SLC12A6: variants seen among roughly 807,000 people sequenced by gnomAD.
The protein encoded by SLC12A6 is solute carrier family 12 member 6.
SLC12A6 carries 66 observed loss-of-function variants against 135.3 expected under a neutral mutation model. The observed-to-expected ratio is 0.49, with a 90% CI of 0.40 to 0.60. SLC12A6 has a LOEUF of 0.60. Ranked by LOEUF, SLC12A6 falls within the 20% of genes least tolerant of loss-of-function variation. The pLI is 0.00. For synonymous variants in SLC12A6, 513 were observed against 508.8 expected (o/e 1.01, Z -0.11); for missense variants, 1,058 against 1,452.3 (o/e 0.73, Z 4.41).
At chr15:34,301,215 G>A (rs1896235532) in intron 2 of SLC12A6, among the ~76,000 whole-genome samples, 1 of 151,686 alleles carries the variant, frequency 6.6e-6, no homozygotes, top group Non-Finnish European at 1.5e-5. Flanking sequence ...GTGAGGTCAG[G>A]GATTACAGGT....
Position 34,233,874 on chromosome 15 carries a change from G to C in SLC12A6, c.*7C>G. Reference sequence around the variant, plus strand: ...AAAACAGGTCAAGCACGGTCATTCAGAGTAGGTTATGAATAAATGGTGATC... The same window carrying C: ...AAAACAGGTCAAGCACGGTCATTCACAGTAGGTTATGAATAAATGGTGATC... On this transcript the variant is annotated 3_prime_UTR_variant, in exon 26 of 26. Transcript: ENST00000354181. The C allele has an allele frequency of 6.7e-7, 1 of 1,503,386 alleles. No homozygotes were observed. Among genetic ancestry groups the C allele is most frequent in the East Asian group, 2.3e-5 (1 of 44,376 alleles). The allele number at this position is 1,503,386 out of a possible 1,614,324, so 93.1% of individuals were successfully genotyped here. A position where few individuals can be genotyped will look rare whatever the true frequency, so the allele number is the denominator to read the frequency against.
At chr15:34,244,559 G>A (rs768634055) in intron 15 of SLC12A6, among the ~76,000 whole-genome samples, 1 of 152,082 alleles carries the variant, frequency 6.6e-6, no homozygotes, top group Non-Finnish European at 1.5e-5. Context: ...AAAAGTTCCA[G>A]GACCTTTGTG....
chr15:34,301,084 T>G (rs544927685), intron 2 of SLC12A6, among the ~76,000 whole-genome samples: 44 of 152,238 alleles, frequency 2.9e-4, no homozygotes, highest in African/African-American at 9.9e-4. Flanking sequence ...TTCTCCTGTC[T>G]CAGCCTCCTG....
At chr15:34,294,624 A>G (rs1895759202) in intron 2 of SLC12A6, among the ~76,000 whole-genome samples, 1 of 151,834 alleles carries the variant, frequency 6.6e-6, no homozygotes, top group African/African-American at 2.4e-5. Flanking sequence ...ATTGAGTTCA[A>G]TGACATAATC....
chr15:34,254,681 A>G, intron 8 of SLC12A6, 92 bp from the exon 9 acceptor site: 1 of 960,592 alleles, frequency 1.0e-6, no homozygotes, highest in Non-Finnish European at 1.6e-6. Flanking sequence ...CACAAAAGAA[A>G]GCAAAGCTGA....
intron 2 of SLC12A6, among the ~76,000 whole-genome samples, chr15:34,291,295 T>C (rs1357473441): frequency 3.3e-5 from 5 of 152,338 alleles, no homozygotes; most frequent in African/African-American, 4.8e-5. Flanking sequence ...TCTTTCAGAA[T>C]GTTGAATGTT....
At chr15:34,239,478 T>C (rs539618467) in intron 19 of SLC12A6, among the ~76,000 whole-genome samples, 1 of 152,340 alleles carries the variant, frequency 6.6e-6, no homozygotes, top group Non-Finnish European at 1.5e-5. Context: ...TATTCAACAT[T>C]CTTTCTCAGT....
At chr15:34,270,941 GGCA>G (rs1893887290) in intron 3 of SLC12A6, among the ~76,000 whole-genome samples, 1 of 152,062 alleles carries the variant, frequency 6.6e-6, no homozygotes, top group South Asian at 2.1e-4. Context: ...CTCTTCACAG[GGCA>G]GCAGGAGAGA....
chr15:34,314,299 G>A (rs1212626161), intron 2 of SLC12A6, among the ~76,000 whole-genome samples: 1 of 152,026 alleles, frequency 6.6e-6, no homozygotes. Context: ...CACCCACCTC[G>A]GCCTCCCAAA....
chr15:34,315,751 T>C (rs1690834051), intron 2 of SLC12A6, among the ~76,000 whole-genome samples: 1 of 152,078 alleles, frequency 6.6e-6, no homozygotes, highest in African/African-American at 2.4e-5. Context: ...TTTTGGAGAC[T>C]GAGGCGGGCG....
chr15:34,298,985 T>G (rs1299586432), intron 2 of SLC12A6, among the ~76,000 whole-genome samples: 1 of 152,212 alleles, frequency 6.6e-6, no homozygotes, highest in Admixed American at 6.5e-5. Context: ...ATAAATACTT[T>G]GAAAGCTTTC....
chr15:34,236,224 T>C (rs1433162577), intron 23 of SLC12A6, 25 bp from the exon 24 acceptor site: 1 of 1,588,632 alleles, frequency 6.3e-7, no homozygotes, highest in South Asian at 1.1e-5. Context: ...CCAACACAAG[T>C]TATTCTACCA....
chr15:34,267,237 T>TAA (rs34850005), intron 3 of SLC12A6, among the ~76,000 whole-genome samples: 92 of 143,826 alleles, frequency 6.4e-4, no homozygotes, highest in South Asian at 3.3e-3. Context: ...AGTCTCTTTT[T>TAA]AAAAAAAAAA....
In SLC12A6 at chr15:34,245,371, A is replaced by G. The variant is rs757716810; in HGVS notation, c.1857T>C (p.Pro619=). 1.2e-6 allele frequency: 2 copies of G among 1,612,754 alleles called. No homozygotes were observed. Among genetic ancestry groups the G allele is most frequent in the Admixed American group, 1.7e-5 (1 of 60,026 alleles). ...CAGCAGTTAGAAGTAAAGCCCAGGTAGGTTCCCCATTGGCTTTGCTGTGGC... is the reference window on the plus strand; with the variant it reads ...CAGCAGTTAGAAGTAAAGCCCAGGTGGGTTCCCCATTGGCTTTGCTGTGGC... ...VFGHSKANGE[P]TWALLLTAAI... is the part of the protein sequence containing the mutation. The change falls in exon 15 of 26, where the codon CCT becomes CCC. Residue 619 remains proline, a synonymous_variant. Coordinates refer to ENST00000354181, the MANE Select transcript of SLC12A6 (RefSeq NM_001365088.1).
chr15:34,291,804 A>T (rs1895551863), intron 2 of SLC12A6, among the ~76,000 whole-genome samples: 1 of 151,940 alleles, frequency 6.6e-6, no homozygotes, highest in African/African-American at 2.4e-5. Context: ...TGCTTCACTA[A>T]GTTCTTGTAC....
At chr15:34,330,689 C>CAA (rs11378922) in intron 2 of SLC12A6, among the ~76,000 whole-genome samples, 1 of 148,796 alleles carries the variant, frequency 6.7e-6, no homozygotes, top group East Asian at 1.9e-4. Context: ...AAAACAAAAA[C>CAA]AAAAAAAACA....
At chr15:34,255,153 A>G in intron 8 of SLC12A6, 109 bp downstream of exon 8, 2 of 936,924 alleles carry the variant, frequency 2.1e-6, no homozygotes, top group South Asian at 1.3e-5. Flanking sequence ...TTGGCAGTCA[A>G]TCACCTGATT....
In SLC12A6 at chr15:34,239,112, G is replaced by C. The variant is rs1301006285; in HGVS notation, c.2485C>G (p.Leu829Val). 2 of 1,614,158 alleles carry C rather than the reference G, an allele frequency of 1.2e-6. No individual in the cohort carries two copies. The highest frequency in any genetic ancestry group is 3.3e-5 in the Admixed American group (2 of 60,032). The change falls in exon 20 of 26, where the codon CTG becomes GTG. Residue 829 changes from leucine (L) to valine (V), a missense_variant. By Grantham distance (32) the Leu-to-Val change is conservative (BLOSUM62 1). Transcript: ENST00000354181. ...TCTCTCAGCTTGGCGGCCACCACCA[G>C]CTGGCAGAATCCTTTTACCTTCTCT... ...EAEKVKGFCQ[L>V]VVAAKLREGI...
chr15:34,281,128 T>TC (rs1250336271), intron 2 of SLC12A6, among the ~76,000 whole-genome samples: 1 of 152,184 alleles, frequency 6.6e-6, no homozygotes, highest in Admixed American at 6.5e-5. Flanking sequence ...AGTCTAGTAT[T>TC]CTACACTATT....
Sources: allele counts gnomAD v4.1 joint callset (sites outside exome capture counted in the v4.1 genomes callset), GRCh38; gene constraint gnomAD v4.1.1; transcripts MANE v1.5; gene names NCBI Gene and HGNC (gene_info 2026-07-23, HGNC 2026-07-21).